The following HOMER1 variants were observed in gnomAD, a reference collection of about 807,000 sequenced individuals.
HOMER1 encodes homer scaffold protein 1.
HOMER1 carries 3 observed loss-of-function variants against 48.9 expected under a neutral mutation model. The ratio of observed to expected loss-of-function variants is 0.06; its 90% CI spans 0.03 to 0.16. The LOEUF is 0.16. HOMER1 is among the 10% of genes least tolerant of loss of function. The pLI is 1.00. For missense variants in HOMER1, 247 were observed against 411.4 expected, an observed-to-expected ratio of 0.60 and a Z score of 3.46; for synonymous variants, 134 against 146.4, an observed-to-expected ratio of 0.92 and a Z score of 0.61.
At position 79,374,047 on chromosome 5, in the gene HOMER1, A is replaced by C. The variant is rs974396397; in HGVS notation, c.*1962T>G. 2.0e-5 allele frequency: 3 copies of C among 152,238 alleles called. No individual in the cohort carries two copies. The highest frequency in any genetic ancestry group is 7.2e-5 in the African/African-American group (3 of 41,428). 9.4% of individuals were successfully genotyped at this position (152,238 alleles called of 1,614,324 possible). ...TTACACTGTTTTTTAAATTTTTTTAACTCTTCATACTAAACTCCCTGATCC... is the reference window on the plus strand; with the variant it reads ...TTACACTGTTTTTTAAATTTTTTTACCTCTTCATACTAAACTCCCTGATCC... On this transcript the variant is annotated 3_prime_UTR_variant, in exon 9 of 9. Coordinates refer to ENST00000334082, the MANE Select transcript of HOMER1 (RefSeq NM_004272.5).
In HOMER1 at chr5:79,374,738, T is replaced by C. The variant is rs1415147221; in HGVS notation, c.*1271A>G. On this transcript the variant is annotated 3_prime_UTR_variant, in exon 9 of 9. Transcript: ENST00000334082. ...TTAAAATAGCTTCGTAAAAGAAATA[T>C]ATCATATAAAGAAATGCATGTTTGC... 3.3e-5 allele frequency: 5 copies of C among 152,058 alleles called. No homozygotes were observed. The highest frequency in any genetic ancestry group is 1.2e-4 in the African/African-American group (5 of 41,446). The allele number at this position is 152,058 out of a possible 1,614,324, so 9.4% of individuals were successfully genotyped here.
At chr5:79,488,553 A>G (rs1752182495) in intron 1 of HOMER1, among the ~76,000 whole-genome samples, 1 of 152,218 alleles carries the variant, frequency 6.6e-6, no homozygotes, top group African/African-American at 2.4e-5. Flanking sequence ...GCAATTGGTA[A>G]GCTAAAAAGC....
intron 5 of HOMER1, among the ~76,000 whole-genome samples, chr5:79,422,515 T>C (rs1043461182): frequency 1.1e-4 from 16 of 151,978 alleles, no homozygotes; most frequent in African/African-American, 3.6e-4. Context: ...GGTACCTATC[T>C]ATAGATTTTA....
intron 8 of HOMER1, among the ~76,000 whole-genome samples, chr5:79,384,801 A>C (rs1038145407): frequency 6.6e-6 from 1 of 152,196 alleles, no homozygotes; most frequent in African/African-American, 2.4e-5. Context: ...GATACACCAT[A>C]ATCAAATGGG....
intron 4 of HOMER1, among the ~76,000 whole-genome samples, chr5:79,444,358 G>A (rs1295163381): frequency 6.6e-6 from 1 of 152,114 alleles, no homozygotes; most frequent in Non-Finnish European, 1.5e-5. Context: ...TGCATACCAT[G>A]CCTGGCTGAT....
chr5:79,464,542 T>G (rs1167443869), intron 1 of HOMER1, among the ~76,000 whole-genome samples: 1 of 152,210 alleles, frequency 6.6e-6, no homozygotes, highest in Non-Finnish European at 1.5e-5. Context: ...AGCATGACTT[T>G]GGATGCAGCA....
At chr5:79,413,912 G>A (rs568698657) in intron 5 of HOMER1, among the ~76,000 whole-genome samples, 8 of 152,084 alleles carry the variant, frequency 5.3e-5, no homozygotes, top group Non-Finnish European at 8.8e-5. Flanking sequence ...TTGTCAAAAG[G>A]ACCTAAATGA....
chr5:79,390,794 C>T (rs560723130), intron 8 of HOMER1, among the ~76,000 whole-genome samples: 79 of 152,116 alleles, frequency 5.2e-4, no homozygotes, highest in African/African-American at 1.9e-3. Flanking sequence ...TTAAAAAAGA[C>T]CCTTCCACCA....
chr5:79,439,719 T>C (rs916007042), intron 4 of HOMER1, among the ~76,000 whole-genome samples: 1 of 152,168 alleles, frequency 6.6e-6, no homozygotes, highest in African/African-American at 2.4e-5. Context: ...TATAATGATG[T>C]TAGTGCATTT....
intron 1 of HOMER1, among the ~76,000 whole-genome samples, chr5:79,483,753 TAAAAAA>T (rs70975754): frequency 7.5e-6 from 1 of 133,886 alleles, no homozygotes; most frequent in Non-Finnish European, 1.6e-5. Flanking sequence ...ACCGTTTAAG[TAAAAAA>T]AAAAAAAAAA....
chr5:79,483,303 A>G (rs1055093836), intron 1 of HOMER1, among the ~76,000 whole-genome samples: 1 of 152,172 alleles, frequency 6.6e-6, no homozygotes, highest in Non-Finnish European at 1.5e-5. Context: ...AAGAAAAAAA[A>G]CTTGTCAACC....
At chr5:79,382,588 T>C (rs1749010852) in intron 8 of HOMER1, among the ~76,000 whole-genome samples, 2 of 152,058 alleles carry the variant, frequency 1.3e-5, no homozygotes, top group African/African-American at 4.8e-5. Flanking sequence ...GAAGGAGAAA[T>C]AAAGTCTTTC....
chr5:79,510,745 A>C (rs1303703120), intron 1 of HOMER1: 2 of 774,034 alleles, frequency 2.6e-6, no homozygotes, highest in African/African-American at 1.7e-5. Flanking sequence ...CAAGCTTGGG[A>C]AGCATGCTCG....
At chr5:79,429,248 C>A (rs1276045403) in intron 5 of HOMER1, among the ~76,000 whole-genome samples, 1 of 151,916 alleles carries the variant, frequency 6.6e-6, no homozygotes, top group East Asian at 1.9e-4. Flanking sequence ...CCCAGCTACT[C>A]GGGAGGCTGA....
intron 5 of HOMER1, among the ~76,000 whole-genome samples, chr5:79,437,970 C>A (rs1028779133): frequency 6.6e-6 from 1 of 152,126 alleles, no homozygotes; most frequent in East Asian, 1.9e-4. Context: ...CCTTAAAAAA[C>A]CTTAACTAAT....
intron 8 of HOMER1, among the ~76,000 whole-genome samples, chr5:79,376,740 G>A (rs193101059): frequency 6.6e-6 from 1 of 152,098 alleles, no homozygotes; most frequent in East Asian, 1.9e-4. Flanking sequence ...TATGTAGAGA[G>A]TATCACTCAA....
chr5:79,465,808 T>C (rs1171329665), intron 1 of HOMER1, among the ~76,000 whole-genome samples: 1 of 152,010 alleles, frequency 6.6e-6, no homozygotes, highest in East Asian at 1.9e-4. Flanking sequence ...TTAGCCAGGA[T>C]GGTCTCGATC....
chr5:79,484,993 C>T (rs151253848), intron 1 of HOMER1, among the ~76,000 whole-genome samples: 33 of 152,146 alleles, frequency 2.2e-4, no homozygotes, highest in African/African-American at 8.0e-4. Flanking sequence ...TACCTCACTT[C>T]CGAAAGTCTA....
intron 8 of HOMER1, among the ~76,000 whole-genome samples, chr5:79,387,069 T>TTCTCTC (rs766145471): frequency 0.096 from 12,702 of 131,954 alleles, 737 homozygotes; most frequent in Admixed American, 0.16. Flanking sequence ...TTTCCTTTCT[T>TTCTCTC]TCTCTATCTC....
Sources: gnomAD v4.1 joint callset for allele counts (sites outside exome capture counted in the v4.1 genomes callset) on GRCh38, gnomAD v4.1.1 for gene constraint, MANE v1.5 for transcripts, NCBI Gene and HGNC (gene_info 2026-07-23, HGNC 2026-07-21) for gene names.